The following KAZN variants were observed in gnomAD, a reference collection of about 807,000 sequenced individuals.
KAZN encodes the protein kazrin.
Under a neutral mutation model 87.4 loss-of-function variants are expected in KAZN, and 40 were observed. The observed-to-expected ratio is 0.46, with a 90% CI of 0.36 to 0.60. The LOEUF (loss-of-function observed/expected upper bound fraction) is 0.60, where lower values mean the gene tolerates loss of function less well. Among genes scored for constraint, KAZN ranks in the 20% least tolerant of loss-of-function variants. The pLI is 0.00. For missense variants in KAZN, 898 were observed against 1,073.9 expected, an observed-to-expected ratio of 0.84 and a Z score of 2.29; for synonymous variants, 466 against 458.3, an observed-to-expected ratio of 1.02 and a Z score of -0.22.
At chr1:14,902,427 A>C (rs1656036588) in intron 1 of KAZN, among the ~76,000 whole-genome samples, 1 of 152,054 alleles carries the variant, frequency 6.6e-6, no homozygotes, top group Admixed American at 6.6e-5. Context: ...ACGGGGTTTC[A>C]CCGTGTTAGC....
chr1:14,924,337 G>T (rs1456943744), intron 1 of KAZN: 1 of 987,776 alleles, frequency 1.0e-6, no homozygotes, highest in Non-Finnish European at 1.2e-6. Context: ...TCGCGCAGCC[G>T]CTGGTAGCGT....
chr1:14,699,179 GACA>G (rs1641784041), intron 1 of KAZN, among the ~76,000 whole-genome samples: 1 of 151,078 alleles, frequency 6.6e-6, no homozygotes, highest in South Asian at 2.1e-4. Context: ...ACAATGAGGA[GACA>G]ACAATTTAGC....
chr1:13,970,082 C>T (rs1239725088), intron 1 of KAZN, among the ~76,000 whole-genome samples: 2 of 152,210 alleles, frequency 1.3e-5, no homozygotes, highest in Non-Finnish European at 2.9e-5. Context: ...AACATTCCTG[C>T]ACCTTCGTCA....
rs530365121 is a variant in KAZN at position 14,627,433 on chromosome 1, G to T, written c.226+28210G>T. 2.0e-5 allele frequency among the ~76,000 whole-genome samples: 3 copies of T among 152,198 alleles called. No homozygotes were observed. In the South Asian group the frequency reaches 6.2e-4, roughly 32 times the overall value. On this transcript the variant is annotated intron_variant, in intron 1 of 14. Coordinates refer to ENST00000376030, the MANE Select transcript of KAZN (RefSeq NM_201628.3). ...TGCAGAGGAGTGAGCCCTTGCAGCT[G>T]GCGAGCTGGGAGGCCCGAGGAGGCA... is the stretch of plus-strand genomic sequence containing the variant.
intron 2 of KAZN, among the ~76,000 whole-genome samples, chr1:14,459,704 G>A (rs1667758358): frequency 6.6e-6 from 1 of 152,100 alleles, no homozygotes; most frequent in African/African-American, 2.4e-5. Context: ...CTAGAGCAAT[G>A]GAAGAACTGG....
rs537051901 is a variant in KAZN at position 13,893,335 on chromosome 1, G to A, written c.-331G>A. On this transcript the variant is annotated 5_prime_UTR_variant, in exon 1 of 17. Coordinates refer to the KAZN transcript ENST00000636203. ...CAGGAGAAGCAGCCCCGGGCCGGGG[G>A]GCAAGTTCCAGCCACCCTTCCGGGT... is the stretch of plus-strand genomic sequence containing the variant. 4 of 223,188 alleles carry A rather than the reference G, an allele frequency of 1.8e-5. No individual in the cohort carries two copies. The East Asian group carries it at 4.5e-4, about 25-fold the overall frequency. 13.8% of individuals were successfully genotyped at this position (223,188 alleles called of 1,614,324 possible).
intron 1 of KAZN, among the ~76,000 whole-genome samples, chr1:14,748,942 C>T (rs1310160888): frequency 1.3e-5 from 2 of 152,168 alleles, no homozygotes; most frequent in South Asian, 2.1e-4. Context: ...GAAAGTTTTG[C>T]AAACATCAGA....
At chr1:14,795,248 C>A (rs1257809438) in intron 1 of KAZN, among the ~76,000 whole-genome samples, 3 of 152,094 alleles carry the variant, frequency 2.0e-5, no homozygotes, top group Non-Finnish European at 2.9e-5. Context: ...CCCTTTAGGA[C>A]CCTGACTAAT....
At chr1:14,834,708 A>G (rs1020762106) in intron 1 of KAZN, among the ~76,000 whole-genome samples, 4 of 152,222 alleles carry the variant, frequency 2.6e-5, no homozygotes, top group Non-Finnish European at 5.9e-5. Context: ...ACAAATTTGT[A>G]TCGAGTAACT....
At chr1:14,129,981 A>G (rs1001025810) in intron 1 of KAZN, among the ~76,000 whole-genome samples, 3 of 152,256 alleles carry the variant, frequency 2.0e-5, no homozygotes, top group Non-Finnish European at 2.9e-5. Flanking sequence ...GTGAACAAAT[A>G]TAGCCAGCAA....
intron 1 of KAZN, among the ~76,000 whole-genome samples, chr1:14,918,707 AAT>A (rs201058383): frequency 3.6e-3 from 89 of 24,674 alleles, no homozygotes; most frequent in East Asian, 0.017. Flanking sequence ...AAAAAAAAAA[AAT>A]ATATATATAT....
chr1:14,269,167 T>C (rs1438327837), intron 2 of KAZN, among the ~76,000 whole-genome samples: 2 of 152,184 alleles, frequency 1.3e-5, no homozygotes, highest in African/African-American at 2.4e-5. Flanking sequence ...AAATTGCTTC[T>C]TGGAAGAGGG....
intron 2 of KAZN, among the ~76,000 whole-genome samples, chr1:14,419,986 G>T (rs144825637): frequency 6.6e-6 from 1 of 152,146 alleles, no homozygotes. Flanking sequence ...TCCCGGCTCC[G>T]GCAGCCTGCT....
At chr1:15,004,440 T>C (rs1668802437) in intron 2 of KAZN, among the ~76,000 whole-genome samples, 1 of 152,254 alleles carries the variant, frequency 6.6e-6, no homozygotes, top group African/African-American at 2.4e-5. Context: ...GCTTTGCTAC[T>C]TTCTAGCTGT....
chr1:14,352,876 C>A (rs764967352), intron 2 of KAZN, among the ~76,000 whole-genome samples: 3 of 152,130 alleles, frequency 2.0e-5, no homozygotes, highest in African/African-American at 7.2e-5. Flanking sequence ...AAATGAAAAT[C>A]ATTTAATGAA....
At chr1:14,180,614 T>C in intron 2 of KAZN, 1 of 1,533,856 alleles carries the variant, frequency 6.5e-7, no homozygotes, top group Non-Finnish European at 8.8e-7. Context: ...AATACAGAAA[T>C]TCTCTATGGA....
chr1:14,927,065 G>C (rs1659246353), intron 1 of KAZN, among the ~76,000 whole-genome samples: 1 of 152,154 alleles, frequency 6.6e-6, no homozygotes, highest in Admixed American at 6.5e-5. Context: ...GCAGACAGTG[G>C]ATGTTTGCAC....
At chr1:15,079,448 TA>T (rs896572925) in intron 8 of KAZN, among the ~76,000 whole-genome samples, 2 of 152,112 alleles carry the variant, frequency 1.3e-5, no homozygotes, top group Admixed American at 1.3e-4. Flanking sequence ...ACTGTTGGCT[TA>T]TTTTTTTTTT....
At chr1:14,744,466 C>T (rs939680200) in intron 1 of KAZN, among the ~76,000 whole-genome samples, 12 of 152,018 alleles carry the variant, frequency 7.9e-5, no homozygotes, top group East Asian at 1.9e-4. Flanking sequence ...TGATGGCTCA[C>T]GCCTGTAATC....
Sources: gnomAD v4.1 joint callset for allele counts (sites outside exome capture counted in the v4.1 genomes callset) on GRCh38, gnomAD v4.1.1 for gene constraint, MANE v1.5 for transcripts, NCBI Gene and HGNC (gene_info 2026-07-23, HGNC 2026-07-21) for gene names.